Variants in DDX10 observed in about 807,000 individuals in gnomAD.
DDX10 encodes probable ATP-dependent RNA helicase DDX10.
Under a neutral mutation model 104.3 loss-of-function variants are expected in DDX10, and 74 were observed. The ratio of observed to expected loss-of-function variants is 0.71; its 90% confidence interval spans 0.59 to 0.86. DDX10 has a LOEUF of 0.86. Among genes scored for constraint, DDX10 ranks in the 40% least tolerant of loss-of-function variants. The pLI is 0.00. For synonymous variants in DDX10, 351 were observed against 353.4 expected, an observed-to-expected ratio of 0.99 and a Z score of 0.08; for missense variants, 952 against 1,040.0, an observed-to-expected ratio of 0.92 and a Z score of 1.16.
At chr11:108,683,359 C>T (rs1276219263) in intron 6 of DDX10, among the ~76,000 whole-genome samples, 2 of 152,154 alleles carry the variant, frequency 1.3e-5, no homozygotes, top group Admixed American at 1.3e-4. Flanking sequence ...CTCTCTGGGA[C>T]TTGCGACTGA....
chr11:108,754,927 C>T (rs1239846132), intron 13 of DDX10, among the ~76,000 whole-genome samples: 2 of 152,052 alleles, frequency 1.3e-5, no homozygotes, highest in African/African-American at 4.8e-5. Flanking sequence ...TTTGAATATG[C>T]TAGCTCAAGT....
At chr11:108,831,421 C>CAA (rs779264219) in intron 13 of DDX10, among the ~76,000 whole-genome samples, 2,759 of 69,486 alleles carry the variant, frequency 0.04, 231 homozygotes, top group Admixed American at 0.11. Flanking sequence ...GAGACTGTCT[C>CAA]AAAAAAAAAA....
At chr11:108,753,028 A>G (rs2094340537) in intron 13 of DDX10, among the ~76,000 whole-genome samples, 1 of 152,074 alleles carries the variant, frequency 6.6e-6, no homozygotes. Context: ...TGGAAAATGT[A>G]CCACTCTTTG....
chr11:108,828,320 G>A (rs991295539), intron 13 of DDX10, among the ~76,000 whole-genome samples: 4 of 151,902 alleles, frequency 2.6e-5, no homozygotes, highest in African/African-American at 9.7e-5. Context: ...CCTTTCCCCC[G>A]AGTCTCCAAA....
chr11:108,691,727 T>G, intron 7 of DDX10, 149 bp from the exon 8 acceptor site: 2 of 501,836 alleles, frequency 4.0e-6, no homozygotes. Flanking sequence ...TGCTTGTGAT[T>G]AAATAAGAGT....
chr11:108,802,594 C>G (rs1046836429), intron 13 of DDX10, among the ~76,000 whole-genome samples: 1 of 152,060 alleles, frequency 6.6e-6, no homozygotes, highest in Middle Eastern at 3.2e-3. Context: ...AGTTGCTGTT[C>G]TTTTGTAATT....
At chr11:108,927,699 G>A (rs1863926202) in intron 17 of DDX10, among the ~76,000 whole-genome samples, 1 of 151,178 alleles carries the variant, frequency 6.6e-6, no homozygotes, top group Non-Finnish European at 1.5e-5. Context: ...GTGCAGTGGC[G>A]TGATCTCAGC....
At chr11:108,732,522 C>T (rs149253273) in intron 13 of DDX10, among the ~76,000 whole-genome samples, 232 of 152,162 alleles carry the variant, frequency 1.5e-3, no homozygotes, top group African/African-American at 5.0e-3. Context: ...TAAATGGAGA[C>T]GAGAGGTACT....
chr11:108,774,284 G>T (rs2094367005), intron 13 of DDX10, among the ~76,000 whole-genome samples: 1 of 152,218 alleles, frequency 6.6e-6, no homozygotes, highest in African/African-American at 2.4e-5. Context: ...TGTGGGCATT[G>T]CCCTTTGCAG....
intron 15 of DDX10, among the ~76,000 whole-genome samples, chr11:108,842,812 T>TA (rs1320994605): frequency 6.6e-6 from 1 of 152,202 alleles, no homozygotes; most frequent in Non-Finnish European, 1.5e-5. Context: ...GCAATCTACT[T>TA]AGAGTATTTA....
intron 13 of DDX10, among the ~76,000 whole-genome samples, chr11:108,730,478 G>C (rs1565261151): frequency 6.6e-6 from 1 of 152,192 alleles, no homozygotes; most frequent in African/African-American, 2.4e-5. Flanking sequence ...ACAATGACTA[G>C]TGCAAATTTC....
intron 16 of DDX10, among the ~76,000 whole-genome samples, chr11:108,883,910 C>T (rs1863260627): frequency 6.6e-6 from 1 of 152,178 alleles, no homozygotes; most frequent in South Asian, 2.1e-4. Flanking sequence ...CTTTTTCCAT[C>T]TTCTTTCCTA....
In DDX10 at chr11:108,673,486, C is replaced by T. The variant is rs1432595470; in HGVS notation, c.206C>T (p.Thr69Ile). ...TTCCAGATAAATGTAAATGAAATCA[C>T]AAGATTTTCAGATTTTCCCTTGTCC... Reference protein sequence around the residue: ...NYEKINVNEITRFSDFPLSKK... With the variant: ...NYEKINVNEIIRFSDFPLSKK... The change falls in exon 2 of 18, where the codon ACA becomes ATA. Residue 69 changes from threonine to isoleucine, a missense_variant. Physicochemically the swap from Thr to Ile is moderately conservative, Grantham distance 89. Coordinates refer to ENST00000322536, the MANE Select transcript of DDX10 (RefSeq NM_004398.4). 6.3e-7 allele frequency: 1 copy of T among 1,597,196 alleles called. No homozygotes were observed. Among genetic ancestry groups the T allele is most frequent in the East Asian group, 2.2e-5 (1 of 44,670 alleles).
intron 9 of DDX10, among the ~76,000 whole-genome samples, chr11:108,705,529 A>G (rs993441086): frequency 6.6e-6 from 1 of 151,740 alleles, no homozygotes; most frequent in East Asian, 1.9e-4. Flanking sequence ...TGTTCTCTTG[A>G]CTGTTTTACT....
intron 16 of DDX10, among the ~76,000 whole-genome samples, chr11:108,868,836 C>T (rs555921694): frequency 2.6e-5 from 4 of 151,974 alleles, no homozygotes; most frequent in South Asian, 4.1e-4. Flanking sequence ...ATAACTTTCA[C>T]GTATGTTATT....
chr11:108,827,981 T>C (rs1244327161), intron 13 of DDX10, among the ~76,000 whole-genome samples: 1 of 152,236 alleles, frequency 6.6e-6, no homozygotes, highest in Non-Finnish European at 1.5e-5. Flanking sequence ...TCAGTAGTGT[T>C]AAGTGCATTC....
Position 108,834,957 on chromosome 11 carries a change from C to T in DDX10, c.1966-3489C>T, listed in dbSNP as rs928719435. Among the ~76,000 whole-genome samples the T allele has an allele frequency of 6.3e-4, 78 of 123,462 alleles. No homozygotes were observed. In the East Asian group the frequency reaches 0.015, roughly 24 times the overall value. The allele number at this position is 123,462 out of a possible 152,430, so 81.0% of individuals were successfully genotyped here. A position where few individuals can be genotyped will look rare whatever the true frequency, so the allele number is the denominator to read the frequency against. The stretch of plus-strand genomic sequence containing the variant: ...AAAAAAAAAAAAAAAAAAGAATTGT[C>T]TTAGCCCTAAAACAATTAAGATGTA... On this transcript the variant is annotated intron_variant, in intron 13 of 17. Transcript: ENST00000322536.
chr11:108,684,170 G>GT (rs2094239649), intron 6 of DDX10, among the ~76,000 whole-genome samples: 10 of 35,592 alleles, frequency 2.8e-4, no homozygotes, highest in Non-Finnish European at 3.9e-4. Flanking sequence ...TAAGGTTATA[G>GT]ATTTTCTTTT....
intron 2 of DDX10, among the ~76,000 whole-genome samples, 197 bp downstream of exon 2, chr11:108,673,724 A>C (rs1331873787): frequency 6.6e-6 from 1 of 152,272 alleles, no homozygotes; most frequent in Non-Finnish European, 1.5e-5. Flanking sequence ...AAAGAAAAAC[A>C]AGTTTCCAGC....
Sources: gnomAD v4.1 joint callset for allele counts (sites outside exome capture counted in the v4.1 genomes callset) on GRCh38, gnomAD v4.1.1 for gene constraint, MANE v1.5 for transcripts, NCBI Gene and HGNC (gene_info 2026-07-23, HGNC 2026-07-21) for gene names.